The following ITIH3 variants were observed in gnomAD, a reference collection of about 807,000 sequenced individuals.
ITIH3 encodes the protein inter-alpha-trypsin inhibitor heavy chain 3, also known as inter-alpha-trypsin inhibitor heavy chain H3.
ITIH3 carries 81 observed loss-of-function variants against 96.5 expected under a neutral mutation model. That is an observed-to-expected ratio of 0.84 (90% confidence interval 0.70 to 1.01). The LOEUF is 1.01. Ranked by LOEUF, ITIH3 falls within the 50% of genes least tolerant of loss-of-function variation. The pLI is 0.00. For missense variants in ITIH3, 1,057 were observed against 1,139.3 expected, an observed-to-expected ratio of 0.93 and a Z score of 1.04; for synonymous variants, 422 against 445.2, an observed-to-expected ratio of 0.95 and a Z score of 0.66.
chr3:52,800,536 A>T lies in ITIH3; in HGVS notation c.1076-2A>T. 1 of 1,553,992 alleles carries T rather than the reference A, an allele frequency of 6.4e-7. No individual in the cohort carries two copies. Among genetic ancestry groups the T allele is most frequent in the Non-Finnish European group, 8.7e-7 (1 of 1,148,236 alleles). ...CCACGGTGCTGTCTGTCTGTGTCCC[A>T]GTGACCAACATCAATGACGGGCTGC... On this transcript the variant is annotated splice_acceptor_variant, in intron 9 of 21. Coordinates refer to ENST00000449956, the MANE Select transcript of ITIH3 (RefSeq NM_002217.4). LOFTEE classifies it high-confidence loss of function.
In ITIH3 at chr3:52,807,895, G is replaced by A. The variant is rs974187237; in HGVS notation, c.2410G>A (p.Ala804Thr). The A allele has an allele frequency of 6.2e-7, 1 of 1,612,556 alleles. No homozygotes were observed. The highest frequency in any genetic ancestry group is 8.5e-7 in the Non-Finnish European group (1 of 1,179,294). ...FYVVDSHRMS[A>T]QTHGLLGQFF... is the part of the protein sequence containing the mutation. ...CGTGGTGGACAGTCACCGGATGTCA[G>A]CACAGACGCATGGGCTGCTGGGTAC... is the stretch of plus-strand genomic sequence containing the variant. The change falls in exon 20 of 22, where the codon GCA becomes ACA. Residue 804 changes from alanine (A) to threonine (T), a missense_variant. Ala to Thr is a moderately conservative substitution (Grantham distance 58). Transcript: ENST00000449956.
intron 14 of ITIH3, 88 bp downstream of exon 14, chr3:52,804,097 G>A: frequency 7.0e-7 from 1 of 1,426,640 alleles, no homozygotes; most frequent in Non-Finnish European, 9.6e-7. Flanking sequence ...GGCCAGGCTG[G>A]GGAGACCCAG....
chr3:52,805,432 T>C, intron 15 of ITIH3: 2 of 1,067,248 alleles, frequency 1.9e-6, no homozygotes, highest in Middle Eastern at 4.2e-4. Context: ...TGTGGGTGGG[T>C]GTTTACTATC....
At chr3:52,798,341 T>C (rs537268980) in intron 6 of ITIH3, among the ~76,000 whole-genome samples, 1 of 152,342 alleles carries the variant, frequency 6.6e-6, no homozygotes, top group South Asian at 2.1e-4. Context: ...GGCTCCCAGC[T>C]GTTCCAGGGG....
intron 5 of ITIH3, 80 bp from the exon 6 acceptor site, chr3:52,797,737 C>T: frequency 1.2e-6 from 1 of 845,782 alleles, no homozygotes; most frequent in Non-Finnish European, 1.9e-6. Flanking sequence ...ACCACAGACC[C>T]ATCTCATTCC....
Position 52,801,096 on chromosome 3 carries a change from G to C in ITIH3, c.1333G>C (p.Gly445Arg). 1 of 1,605,246 alleles carries C rather than the reference G, an allele frequency of 6.2e-7. No individual in the cohort carries two copies. Among genetic ancestry groups the C allele is most frequent in the Non-Finnish European group, 8.5e-7 (1 of 1,175,636 alleles). Reference protein sequence around the residue: ...FLENMALENHGFARRIYEDSD... With the variant: ...FLENMALENHRFARRIYEDSD... The stretch of plus-strand genomic sequence containing the variant: ...GGAGAACATGGCCCTGGAGAACCAT[G>C]GGTTTGCCCGGCGCATTTATGAGGA... Residue 445 changes from glycine (G) to arginine (R), a missense_variant, in exon 11 of 22, where the codon GGG becomes CGG. Physicochemically the swap from Gly to Arg is moderately radical, Grantham distance 125 (BLOSUM62 -2). Coordinates refer to ENST00000449956, the MANE Select transcript of ITIH3 (RefSeq NM_002217.4).
At chr3:52,798,818 G>C (rs1699695303) in intron 6 of ITIH3, 148 bp from the exon 7 acceptor site, 1 of 945,566 alleles carries the variant, frequency 1.1e-6, no homozygotes, top group Non-Finnish European at 1.6e-6. Context: ...GGGCAGGGCT[G>C]CCCAGGCCTC....
intron 11 of ITIH3, chr3:52,802,073 A>G: frequency 2.3e-6 from 1 of 442,292 alleles, no homozygotes; most frequent in South Asian, 3.7e-5. Context: ...TTGTGCTAAG[A>G]ACTCTGTCCT....
Position 52,802,485 on chromosome 3 carries a change from T to G in ITIH3, c.1535T>G (p.Met512Arg), listed in dbSNP as rs1699873192. The change falls in exon 12 of 22, where the codon ATG (methionine) becomes AGG (arginine). Residue 512 changes from methionine to arginine, a missense_variant. Met to Arg is a moderately conservative substitution (Grantham distance 91). Coordinates refer to ENST00000449956, the MANE Select transcript of ITIH3 (RefSeq NM_002217.4). ...VVAGRLVDED[M>R]NSFKADVKGH... ...GCCGGGCGCCTGGTGGACGAGGACA[T>G]GAACAGCTTTAAGGCAGATGTGAAG... is the stretch of plus-strand genomic sequence containing the variant. The G allele has an allele frequency of 1.9e-6, 3 of 1,613,714 alleles. No homozygotes were observed. In the Admixed American group the frequency reaches 5.0e-5, roughly 27 times the overall value.
chr3:52,807,482 G>A (rs1045070536), intron 19 of ITIH3, among the ~76,000 whole-genome samples: 3 of 152,258 alleles, frequency 2.0e-5, no homozygotes, highest in Non-Finnish European at 4.4e-5. Flanking sequence ...CAGGAAGTCA[G>A]TGGCTTAGCT....
chr3:52,803,306 ATTTT>A (rs1362517337), intron 13 of ITIH3, among the ~76,000 whole-genome samples: 7 of 129,500 alleles, frequency 5.4e-5, no homozygotes, highest in Non-Finnish European at 1.1e-4. Context: ...TTATTTATTT[ATTTT>A]ATTTTATTAT....
intron 6 of ITIH3, among the ~76,000 whole-genome samples, chr3:52,798,139 AG>A (rs1699668167): frequency 6.6e-6 from 1 of 152,190 alleles, no homozygotes; most frequent in South Asian, 2.1e-4. Flanking sequence ...ATGACCTGCC[AG>A]AGGAGCCATT....
intron 4 of ITIH3, 62 bp from the exon 5 acceptor site, chr3:52,797,043 G>C: frequency 6.4e-7 from 1 of 1,552,596 alleles, no homozygotes. Flanking sequence ...CTGGGGCCGA[G>C]GGCCGAGGAA....
In ITIH3 at chr3:52,796,593, A is replaced by G; in HGVS notation, c.227A>G (p.Glu76Gly). The change falls in exon 3 of 22, where the codon GAG becomes GGG. Residue 76 changes from glutamate (E) to glycine (G), a missense_variant. Coordinates refer to ENST00000449956, the MANE Select transcript of ITIH3 (RefSeq NM_002217.4). The stretch of plus-strand genomic sequence containing the variant: ...GTCAACCGTGCAGACACGGCCAAGG[A>G]GGTTTCCTTTGATGTGGAGCTGCCC... ...RAVNRADTAK[E>G]VSFDVELPKT... 1.2e-6 allele frequency: 2 copies of G among 1,613,390 alleles called. No homozygotes were observed. Among genetic ancestry groups the G allele is most frequent in the African/African-American group, 1.3e-5 (1 of 75,032 alleles).
rs1228207317 is a variant in ITIH3, at chr3:52,802,472, G to A, written c.1522G>A (p.Val508Met). The change falls in exon 12 of 22, where the codon GTG (valine) becomes ATG (methionine). Residue 508 changes from valine (V) to methionine (M), a missense_variant. Coordinates refer to ENST00000449956, the MANE Select transcript of ITIH3 (RefSeq NM_002217.4). ...GSEIVVAGRL[V>M]DEDMNSFKAD... ...TGAGATCGTGGTGGCCGGGCGCCTG[G>A]TGGACGAGGACATGAACAGCTTTAA... 2.5e-6 allele frequency: 4 copies of A among 1,613,992 alleles called. No individual in the cohort carries two copies.
At chr3:52,800,028 AGATCTGAGCTGGGGT>A in intron 9 of ITIH3, 107 bp downstream of exon 9, 1 of 1,064,890 alleles carries the variant, frequency 9.4e-7, no homozygotes, top group Non-Finnish European at 1.4e-6. Flanking sequence ...GGCCCTCTTC[AGATCTGAGCTGGGGT>A]AGAGGTGGGA....
At chr3:52,801,457 G>A (rs1344397369) in intron 11 of ITIH3, among the ~76,000 whole-genome samples, 2 of 152,148 alleles carry the variant, frequency 1.3e-5, no homozygotes, top group Non-Finnish European at 2.9e-5. Flanking sequence ...GTGTATGGCG[G>A]CTGCCATACC....
chr3:52,804,373 G>A lies in ITIH3; in HGVS notation c.1865-353G>A, dbSNP rs928885902. ...GCAGGCTATCAGGCACCTGGAGATT[G>A]TTAGGGGAAGAGTCCCTGAGAGCTG... On this transcript the variant is annotated intron_variant, in intron 14 of 21. Transcript: ENST00000449956. The A allele has an allele frequency of 6.9e-6, 3 of 434,520 alleles. No homozygotes were observed. The East Asian group carries it at 1.3e-4, about 18-fold the overall frequency. 26.9% of individuals were successfully genotyped at this position (434,520 alleles called of 1,614,324 possible). A position where few individuals can be genotyped will look rare whatever the true frequency, so the allele number is the denominator to read the frequency against.
chr3:52,808,473 CT>C (rs1700134987), intron 21 of ITIH3, 78 bp from the exon 22 acceptor site: 1 of 1,569,234 alleles, frequency 6.4e-7, no homozygotes, highest in Non-Finnish European at 8.7e-7. Context: ...ACTTCCCACC[CT>C]TTTTCAATCT....
Sources: gnomAD v4.1 joint callset for allele counts (sites outside exome capture counted in the v4.1 genomes callset) on GRCh38, gnomAD v4.1.1 for gene constraint, MANE v1.5 for transcripts, NCBI Gene and HGNC (gene_info 2026-07-23, HGNC 2026-07-21) for gene names.